ROBO2: variants seen among roughly 807,000 people sequenced by gnomAD.
ROBO2 encodes roundabout homolog 2.
A neutral mutation model predicts 160.8 loss-of-function variants in ROBO2; 53 were observed. That is an observed-to-expected ratio of 0.33 (90% CI 0.26 to 0.41). ROBO2 has a LOEUF of 0.41. Among genes scored for constraint, ROBO2 ranks in the 10% least tolerant of loss-of-function variants. ROBO2 has a pLI of 1.00. For missense variants in ROBO2, 1,577 were observed against 1,722.4 expected (o/e 0.92, Z 1.49); for synonymous variants, 664 against 611.7 (o/e 1.09, Z -1.26).
At chr3:76,465,268 T>C in intron 2 of ROBO2, among the ~76,000 whole-genome samples, 1 of 152,072 alleles carries the variant, frequency 6.6e-6, no homozygotes, top group East Asian at 1.9e-4. Context: ...CAAAAGTATA[T>C]GTGAATGCAT....
chr3:77,129,632 T>C (rs908709272), intron 2 of ROBO2, among the ~76,000 whole-genome samples: 5 of 152,166 alleles, frequency 3.3e-5, no homozygotes, highest in African/African-American at 1.2e-4. Context: ...TTTTGAAGTG[T>C]TGGTTGTGCA....
chr3:76,033,098 C>G (rs964725973), intron 2 of ROBO2, among the ~76,000 whole-genome samples: 2 of 23,006 alleles, frequency 8.7e-5, no homozygotes, highest in Admixed American at 1.2e-3. Context: ...ATGGATATAA[C>G]AGCAAAAAAA....
chr3:76,307,142 A>G (rs962566178), intron 2 of ROBO2, among the ~76,000 whole-genome samples: 1 of 152,214 alleles, frequency 6.6e-6, no homozygotes, highest in African/African-American at 2.4e-5. Context: ...GGAAGGGGAC[A>G]GGCTTTCTTT....
chr3:76,425,498 GTGTGTGTGTGTGTGTGTGTGTGTGTGTC>G (rs2076179155), intron 2 of ROBO2, among the ~76,000 whole-genome samples: 1 of 22,072 alleles, frequency 4.5e-5, no homozygotes. Flanking sequence ...GTGTGTGTGT[GTGTGTGTGTGTGTGTGTGTGTGTGTGTC>G]TGTGTGTGTG....
chr3:76,391,532 T>A (rs1576880801), intron 2 of ROBO2, among the ~76,000 whole-genome samples: 1 of 152,270 alleles, frequency 6.6e-6, no homozygotes, highest in East Asian at 1.9e-4. Flanking sequence ...TTTTTTTTTT[T>A]TGAGATGGAA....
intron 2 of ROBO2, among the ~76,000 whole-genome samples, chr3:77,004,195 A>T (rs2061468425): frequency 6.6e-6 from 1 of 152,210 alleles, no homozygotes; most frequent in Non-Finnish European, 1.5e-5. Context: ...TTGTCCTGTT[A>T]AACTTTTTAG....
At chr3:76,336,370 T>A (rs1182664419) in intron 2 of ROBO2, among the ~76,000 whole-genome samples, 1 of 152,224 alleles carries the variant, frequency 6.6e-6, no homozygotes, top group Non-Finnish European at 1.5e-5. Context: ...TTGAGGTGAT[T>A]CTGTGCCCAG....
At chr3:76,537,194 T>G (rs1181299646) in intron 2 of ROBO2, among the ~76,000 whole-genome samples, 2 of 151,676 alleles carry the variant, frequency 1.3e-5, no homozygotes, top group Non-Finnish European at 2.9e-5. Flanking sequence ...AGGAAAGATT[T>G]GGGATGAGTC....
intron 2 of ROBO2, among the ~76,000 whole-genome samples, chr3:77,218,529 T>C (rs62251858): frequency 0.035 from 5,380 of 152,066 alleles, 110 homozygotes; most frequent in Middle Eastern, 0.058. Flanking sequence ...CCCACAAGCA[T>C]GCCTGGCTAA....
At chr3:75,999,915 A>G (rs1273327449) in intron 2 of ROBO2, among the ~76,000 whole-genome samples, 2 of 152,214 alleles carry the variant, frequency 1.3e-5, no homozygotes, top group Admixed American at 6.5e-5. Context: ...TTATTTTTCA[A>G]TGTGCTTGCT....
chr3:75,990,663 T>C (rs958921866), intron 2 of ROBO2, among the ~76,000 whole-genome samples: 3 of 152,184 alleles, frequency 2.0e-5, no homozygotes, highest in Non-Finnish European at 2.9e-5. Context: ...ATTACCGCCA[T>C]TGGAAGGTAA....
chr3:77,040,161 C>T (rs959063483), exon 1 of ROBO2: 2 of 985,216 alleles, frequency 2.0e-6, no homozygotes, highest in Non-Finnish European at 2.4e-6. Context: ...TTTTGGAAAC[C>T]GGAGAGGTGG....
At chr3:76,066,238 T>A (rs1402245175) in intron 2 of ROBO2, among the ~76,000 whole-genome samples, 2 of 152,140 alleles carry the variant, frequency 1.3e-5, no homozygotes, top group African/African-American at 4.8e-5. Flanking sequence ...ACTCACTCCA[T>A]TTTGGAGAGT....
intron 2 of ROBO2, among the ~76,000 whole-genome samples, chr3:77,347,818 T>G (rs1006021984): frequency 3.3e-5 from 5 of 152,146 alleles, no homozygotes; most frequent in African/African-American, 1.2e-4. Flanking sequence ...CTCTCATGTA[T>G]GTGTTAATTT....
intron 1 of ROBO2, among the ~76,000 whole-genome samples, chr3:75,910,523 T>C (rs1473842236): frequency 1.3e-5 from 2 of 152,150 alleles, no homozygotes; most frequent in Non-Finnish European, 2.9e-5. Flanking sequence ...TAAGTTCTAG[T>C]GTATATACCT....
At chr3:77,265,314 T>C (rs2059053684) in intron 2 of ROBO2, among the ~76,000 whole-genome samples, 1 of 152,180 alleles carries the variant, frequency 6.6e-6, no homozygotes, top group South Asian at 2.1e-4. Context: ...CACCCTTCTT[T>C]TCATTAGTCA....
chr3:77,605,237 T>C (rs746471345), intron 20 of ROBO2, among the ~76,000 whole-genome samples: 1 of 151,086 alleles, frequency 6.6e-6, no homozygotes, highest in Non-Finnish European at 1.5e-5. Flanking sequence ...AAAGAGTTTA[T>C]ATATGTAAGT....
chr3:76,002,630 C>T (rs564782672), intron 2 of ROBO2, among the ~76,000 whole-genome samples: 1 of 152,098 alleles, frequency 6.6e-6, no homozygotes, highest in African/African-American at 2.4e-5. Context: ...TGAGGCCTTC[C>T]CAGCACGTGG....
At chr3:76,747,702 A>G (rs2093916288) in intron 2 of ROBO2, among the ~76,000 whole-genome samples, 1 of 151,978 alleles carries the variant, frequency 6.6e-6, no homozygotes, top group Non-Finnish European at 1.5e-5. Context: ...ATGAGCTAAA[A>G]CATGACTAAA....
Sources: gnomAD v4.1 joint callset for allele counts (sites outside exome capture counted in the v4.1 genomes callset) on GRCh38, gnomAD v4.1.1 for gene constraint, MANE v1.5 for transcripts, NCBI Gene and HGNC (gene_info 2026-07-23, HGNC 2026-07-21) for gene names.